TSPEAR: variants seen among roughly 807,000 people sequenced by gnomAD.
TSPEAR encodes thrombospondin type laminin G domain and EAR repeats.
A neutral mutation model predicts 71.6 loss-of-function variants in TSPEAR; 69 were observed. The ratio of observed to expected loss-of-function variants is 0.96; its 90% CI spans 0.79 to 1.18. The LOEUF is 1.18. Ranked by LOEUF, TSPEAR falls within the 50% of genes most tolerant of loss-of-function variation. The pLI is 0.00. For missense variants in TSPEAR, 971 were observed against 894.9 expected (o/e 1.09, Z -1.09); for synonymous variants, 402 against 387.2 (o/e 1.04, Z -0.45).
chr21:44,704,601 C>T (rs2838652), intron 1 of TSPEAR, among the ~76,000 whole-genome samples: 89,732 of 152,130 alleles, frequency 0.59, 27,348 homozygotes, highest in Non-Finnish European at 0.68. Context: ...CGAGGGGCAG[C>T]GGCTTGAGGG....
intron 1 of TSPEAR, among the ~76,000 whole-genome samples, chr21:44,617,606 G>A (rs139547186): frequency 1.9e-3 from 292 of 152,360 alleles, no homozygotes; most frequent in African/African-American, 6.6e-3. Flanking sequence ...GCCGTGACCA[G>A]GTTGCCTGCA....
chr21:44,690,051 C>T lies in TSPEAR; in HGVS notation c.82+21382G>A, dbSNP rs141510326. 8.5e-5 allele frequency among the ~76,000 whole-genome samples: 13 copies of T among 152,216 alleles called. No homozygotes were observed. In the East Asian group the frequency reaches 2.5e-3, roughly 29 times the overall value. ...AAATGTGAATCTCCTTTGGCAACAC[C>T]CTTACAGACACTCCCAGGATCAGTA... is the stretch of plus-strand genomic sequence containing the variant. On this transcript the variant is annotated intron_variant, in intron 1 of 11. Coordinates refer to ENST00000323084, the MANE Select transcript of TSPEAR (RefSeq NM_144991.3).
chr21:44,635,881 G>T (rs1422464960), intron 1 of TSPEAR, among the ~76,000 whole-genome samples: 1 of 152,176 alleles, frequency 6.6e-6, no homozygotes, highest in African/African-American at 2.4e-5. Flanking sequence ...TGCAATGCTG[G>T]ATATTATCAG....
At position 44,635,295 on chromosome 21, in the gene TSPEAR, G is replaced by A. The variant is rs373459151; in HGVS notation, c.83-67290C>T. Among the ~76,000 whole-genome samples the A allele has an allele frequency of 4.2e-5, 6 of 141,624 alleles. 1 individual carries two copies. The highest frequency in any genetic ancestry group is 1.5e-5 in the Non-Finnish European group (1 of 66,754). The allele number at this position is 141,624 out of a possible 152,430, so 92.9% of individuals were successfully genotyped here. Reference sequence around the variant, plus strand: ...CGGGAGGTGGAGGTTGCAGTGAGCCGAGATGGGGCCACTGCACTCCAGCCT... The same window carrying A: ...CGGGAGGTGGAGGTTGCAGTGAGCCAAGATGGGGCCACTGCACTCCAGCCT... On this transcript the variant is annotated intron_variant, in intron 1 of 11. Transcript: ENST00000323084.
In TSPEAR at chr21:44,612,002, G is replaced by A; in HGVS notation, c.83-43997C>T. ...AAGGGAAGGCTTGTGAGACTCCTGTGAGGAAAATACCCAGGGAGGGTATAA... is the reference window on the plus strand; with the variant it reads ...AAGGGAAGGCTTGTGAGACTCCTGTAAGGAAAATACCCAGGGAGGGTATAA... On this transcript the variant is annotated intron_variant, in intron 1 of 11. Transcript: ENST00000323084. This position sits in a 1 kb window ranked among gnomAD's most constrained non-coding sequence, Gnocchi z 4.1. 7.9e-7 allele frequency: 1 copy of A among 1,269,936 alleles called. No homozygotes were observed. Among genetic ancestry groups the A allele is most frequent in the Non-Finnish European group, 1.1e-6 (1 of 900,556 alleles). The allele number at this position is 1,269,936 out of a possible 1,614,324, so 78.7% of individuals were successfully genotyped here.
Position 44,600,716 on chromosome 21 carries a change from G to T in TSPEAR, c.83-32711C>A, listed in dbSNP as rs781929207. On this transcript the variant is annotated intron_variant, in intron 1 of 11. Transcript: ENST00000323084. ...TCCTGTGACTCTTGCTCCGACTCCT[G>T]GCAGGTGGACGACTGCCCAGAGAGC... 8.1e-6 allele frequency: 13 copies of T among 1,612,986 alleles called. No homozygotes were observed. In the East Asian group the frequency reaches 2.9e-4, roughly 36 times the overall value.
intron 1 of TSPEAR, chr21:44,658,216 C>G: frequency 6.2e-7 from 1 of 1,614,154 alleles, no homozygotes; most frequent in Non-Finnish European, 8.5e-7. Context: ...GCCAGCCCCC[C>G]TGCACCACTG....
chr21:44,561,616 GA>G (rs1297329778), intron 2 of TSPEAR, among the ~76,000 whole-genome samples: 3 of 152,056 alleles, frequency 2.0e-5, no homozygotes, highest in Non-Finnish European at 4.4e-5. Context: ...GCAGCATATC[GA>G]AAAGCTTATA....
chr21:44,627,935 C>A, intron 1 of TSPEAR: 1 of 1,518,840 alleles, frequency 6.6e-7, no homozygotes, highest in Non-Finnish European at 9.0e-7. Context: ...GCCCCCACCT[C>A]CTCCCGCCAG....
intron 1 of TSPEAR, among the ~76,000 whole-genome samples, chr21:44,577,071 A>T (rs1004188031): frequency 2.6e-5 from 4 of 152,244 alleles, no homozygotes; most frequent in African/African-American, 9.6e-5. Flanking sequence ...AATGGAAATT[A>T]TGAAATATCT....
chr21:44,528,972 T>G (rs1555915345), intron 5 of TSPEAR, among the ~76,000 whole-genome samples: 2 of 152,230 alleles, frequency 1.3e-5, no homozygotes, highest in African/African-American at 4.8e-5. Flanking sequence ...CTTGAACCTG[T>G]GGCGGTTTGA....
In TSPEAR at chr21:44,527,538, G is replaced by C; in HGVS notation, c.923-20C>G. On this transcript the variant is annotated intron_variant, in intron 6 of 11. Coordinates refer to ENST00000323084, the MANE Select transcript of TSPEAR (RefSeq NM_144991.3). ...CTTTGGCTTGTGATAGAAACGTTGT[G>C]ACTCGGTTAAGATTTCCGAGAACGG... 2 of 1,610,812 alleles carry C rather than the reference G, an allele frequency of 1.2e-6. No homozygotes were observed. The highest frequency in any genetic ancestry group is 1.7e-4 in the Middle Eastern group (1 of 6,056).
chr21:44,535,808 C>T (rs375522825), intron 2 of TSPEAR, among the ~76,000 whole-genome samples: 14 of 151,626 alleles, frequency 9.2e-5, no homozygotes, highest in African/African-American at 2.4e-4. Flanking sequence ...TCAGGTGATC[C>T]GCCCGCTTCG....
At position 44,687,377 on chromosome 21, in the gene TSPEAR, C is replaced by T. The variant is rs1249133375; in HGVS notation, c.82+24056G>A. On this transcript the variant is annotated intron_variant, in intron 1 of 11. Coordinates refer to ENST00000323084, the MANE Select transcript of TSPEAR (RefSeq NM_144991.3). The surrounding 1 kb of genome is among the most constrained non-coding windows in gnomAD (Gnocchi z 4.4). ...TGTATCATAACAGAAAAAACCGGAA[C>T]GGCCCATGTGCCCATTAGCTGGTGG... is the stretch of plus-strand genomic sequence containing the variant. Among the ~76,000 whole-genome samples, 6 of 152,146 alleles carry T rather than the reference C, an allele frequency of 3.9e-5. No individual in the cohort carries two copies. Among genetic ancestry groups the T allele is most frequent in the African/African-American group, 9.7e-5 (4 of 41,418 alleles).
rs1165452642 is a variant in TSPEAR at position 44,687,735 on chromosome 21, C to T, written c.82+23698G>A. On this transcript the variant is annotated intron_variant, in intron 1 of 11. Transcript: ENST00000323084. This position sits in a 1 kb window ranked among gnomAD's most constrained non-coding sequence, Gnocchi z 4.4. ...CCAGGAGGGAAGCCAGGACCACCCT[C>T]TCCCCTGGGCCTTGAGGGGGCCTGG... Among the ~76,000 whole-genome samples, 2 of 152,188 alleles carry T rather than the reference C, an allele frequency of 1.3e-5. No individual in the cohort carries two copies. The highest frequency in any genetic ancestry group is 2.9e-5 in the Non-Finnish European group (2 of 68,036).
At chr21:44,643,526 T>A (rs1338142268) in intron 1 of TSPEAR, among the ~76,000 whole-genome samples, 3 of 152,244 alleles carry the variant, frequency 2.0e-5, no homozygotes, top group Non-Finnish European at 4.4e-5. Context: ...ATACCTTGAA[T>A]TTATATAATT....
At position 44,710,412 on chromosome 21, in the gene TSPEAR, G is replaced by GACCCCC. The variant is rs140436354; in HGVS notation, c.82+1015_82+1020dup. Among the ~76,000 whole-genome samples, 40 of 150,588 alleles carry GACCCCC rather than the reference G, an allele frequency of 2.7e-4. No individual in the cohort carries two copies. The highest frequency in any genetic ancestry group is 1.8e-3 in the East Asian group (9 of 5,044). Reference sequence around the variant, plus strand: ...TCCCTGGGTGGGCAGGCACGTTTATGACCCCCACCCCCACCCCCACCCCCC... The same window carrying GACCCCC: ...TCCCTGGGTGGGCAGGCACGTTTATGACCCCCACCCCCACCCCCACCCCCACCCCCC... On this transcript the variant is annotated intron_variant, in intron 1 of 11. Transcript: ENST00000323084. This position sits in a 1 kb window ranked among gnomAD's most constrained non-coding sequence, Gnocchi z 4.6.
chr21:44,551,648 C>G, intron 2 of TSPEAR: 3 of 792,552 alleles, frequency 3.8e-6, no homozygotes. Flanking sequence ...CGGGAGGACC[C>G]TCATTATTTC....
chr21:44,608,397 G>A (rs1487042034), intron 1 of TSPEAR, among the ~76,000 whole-genome samples: 1 of 152,184 alleles, frequency 6.6e-6, no homozygotes, highest in Admixed American at 6.5e-5. Flanking sequence ...ATTTAGCTGG[G>A]TTGGGAGCAT....
Sources: gnomAD v4.1 joint callset for allele counts (sites outside exome capture counted in the v4.1 genomes callset) on GRCh38, gnomAD v4.1.1 for gene constraint, Gnocchi (gnomAD v3.1) non-coding constraint, MANE v1.5 for transcripts, NCBI Gene and HGNC (gene_info 2026-07-23, HGNC 2026-07-21) for gene names.